The following DLGAP1 variants were observed in gnomAD, a reference collection of about 807,000 sequenced individuals.
DLGAP1 encodes DLG associated protein 1.
In DLGAP1, 11 loss-of-function variants were observed where a neutral mutation model predicts 90.8. The ratio of observed to expected loss-of-function variants is 0.12; its 90% CI spans 0.08 to 0.20. DLGAP1 has a LOEUF of 0.20. DLGAP1 is among the 10% of genes least tolerant of loss of function. DLGAP1 has a pLI of 1.00. For missense variants in DLGAP1, 1,050 were observed against 1,333.8 expected (o/e 0.79, Z 3.31); for synonymous variants, 558 against 540.7 (o/e 1.03, Z -0.44).
At chr18:3,511,541 C>A (rs529251826) in intron 10 of DLGAP1, among the ~76,000 whole-genome samples, 39 of 151,256 alleles carry the variant, frequency 2.6e-4, no homozygotes, top group African/African-American at 8.2e-4. Context: ...ATGTTCAATA[C>A]CAACCTTCAC....
At chr18:4,442,541 T>C (rs755238161) in intron 1 of DLGAP1, among the ~76,000 whole-genome samples, 8 of 152,198 alleles carry the variant, frequency 5.3e-5, no homozygotes, top group African/African-American at 1.2e-4. Context: ...TGGGGTTACA[T>C]AGATGTGTAG....
intron 2 of DLGAP1, among the ~76,000 whole-genome samples, chr18:4,081,841 C>G (rs2075612917): frequency 1.3e-5 from 2 of 152,182 alleles, no homozygotes; most frequent in African/African-American, 4.8e-5. Flanking sequence ...CAAGTCCAGT[C>G]ATTTTTCCCT....
intron 1 of DLGAP1, among the ~76,000 whole-genome samples, chr18:4,299,338 A>G (rs568184435): frequency 3.9e-5 from 6 of 152,340 alleles, no homozygotes; most frequent in Non-Finnish European, 7.3e-5. Flanking sequence ...ATCTATCTCT[A>G]AAAGAATTAA....
chr18:4,219,996 G>C (rs758955951), intron 1 of DLGAP1, among the ~76,000 whole-genome samples: 19 of 151,994 alleles, frequency 1.3e-4, no homozygotes, highest in Non-Finnish European at 2.5e-4. Context: ...TTTTAGGACT[G>C]TTTTTTCTGT....
intron 1 of DLGAP1, among the ~76,000 whole-genome samples, chr18:4,341,021 T>C (rs1194989940): frequency 4.6e-5 from 7 of 151,888 alleles, no homozygotes; most frequent in African/African-American, 1.7e-4. Flanking sequence ...TATGAAATAA[T>C]GCTAGTTTTG....
intron 2 of DLGAP1, among the ~76,000 whole-genome samples, chr18:4,150,297 A>G (rs1207968908): frequency 6.6e-6 from 1 of 152,224 alleles, no homozygotes; most frequent in Admixed American, 6.5e-5. Context: ...TATATGTGGT[A>G]AGACCCTTCT....
At chr18:3,542,899 C>G (rs1431936315) in intron 9 of DLGAP1, among the ~76,000 whole-genome samples, 1 of 152,188 alleles carries the variant, frequency 6.6e-6, no homozygotes, top group East Asian at 1.9e-4. Flanking sequence ...GAGATTATGA[C>G]AGCAATATAG....
chr18:3,956,416 C>T (rs559003275), intron 3 of DLGAP1, among the ~76,000 whole-genome samples: 1 of 151,954 alleles, frequency 6.6e-6, no homozygotes, highest in East Asian at 1.9e-4. Context: ...GTGGCGTGAT[C>T]TGGCTCACTG....
intron 1 of DLGAP1, among the ~76,000 whole-genome samples, chr18:4,351,050 C>T (rs1050693875): frequency 2.0e-5 from 3 of 152,138 alleles, no homozygotes; most frequent in African/African-American, 4.8e-5. Flanking sequence ...CTAAAGTAAT[C>T]TCCAGAAAGC....
intron 2 of DLGAP1, among the ~76,000 whole-genome samples, chr18:4,105,874 C>CA (rs1198509465): frequency 2.0e-5 from 3 of 150,868 alleles, no homozygotes; most frequent in East Asian, 2.0e-4. Flanking sequence ...ACTAAAAATA[C>CA]AAAAAAAATT....
intron 1 of DLGAP1, among the ~76,000 whole-genome samples, chr18:4,421,024 C>T (rs2083017562): frequency 6.6e-6 from 1 of 152,180 alleles, no homozygotes; most frequent in African/African-American, 2.4e-5. Flanking sequence ...TCTTCAAAAA[C>T]AGTGAAGTCT....
chr18:3,860,059 A>C (rs375115714), intron 4 of DLGAP1, among the ~76,000 whole-genome samples: 1 of 143,866 alleles, frequency 7.0e-6, no homozygotes, highest in Non-Finnish European at 1.5e-5. Flanking sequence ...AGATTGCGCC[A>C]CTGCACTCCA....
At chr18:3,855,335 G>A (rs901645517) in intron 4 of DLGAP1, among the ~76,000 whole-genome samples, 4 of 152,052 alleles carry the variant, frequency 2.6e-5, no homozygotes, top group Admixed American at 1.3e-4. Context: ...CGGGTGTTAC[G>A]CTTATTACCT....
chr18:3,777,707 G>T (rs1347034380), intron 5 of DLGAP1, among the ~76,000 whole-genome samples: 1 of 152,116 alleles, frequency 6.6e-6, no homozygotes, highest in African/African-American at 2.4e-5. Context: ...TCTGAAAGGG[G>T]TTCCAAATCA....
At chr18:4,374,787 G>A (rs1374016356) in intron 1 of DLGAP1, among the ~76,000 whole-genome samples, 1 of 151,976 alleles carries the variant, frequency 6.6e-6, no homozygotes, top group African/African-American at 2.4e-5. Flanking sequence ...TAGTTAAGAA[G>A]TGAGAAAATA....
intron 1 of DLGAP1, among the ~76,000 whole-genome samples, chr18:4,272,883 G>A (rs535553948): frequency 1.3e-5 from 2 of 152,300 alleles, no homozygotes; most frequent in Non-Finnish European, 2.9e-5. Flanking sequence ...ATCCTTACAA[G>A]AAGAGGAGAG....
At chr18:3,820,865 G>GA (rs2067370079) in intron 4 of DLGAP1, among the ~76,000 whole-genome samples, 1 of 151,736 alleles carries the variant, frequency 6.6e-6, no homozygotes, top group South Asian at 2.1e-4. Flanking sequence ...TGACATTCAT[G>GA]AAAAAATCTG....
intron 2 of DLGAP1, among the ~76,000 whole-genome samples, chr18:4,072,255 C>T (rs1322263415): frequency 6.6e-6 from 1 of 151,908 alleles, no homozygotes; most frequent in Non-Finnish European, 1.5e-5. Flanking sequence ...AAGACCTTCG[C>T]TGCATTTTTA....
At chr18:4,256,656 T>A (rs2078893613) in intron 1 of DLGAP1, among the ~76,000 whole-genome samples, 1 of 152,150 alleles carries the variant, frequency 6.6e-6, no homozygotes, top group Non-Finnish European at 1.5e-5. Context: ...GAGTTTTTTT[T>A]AATAATATAA....
Sources: gnomAD v4.1 joint callset for allele counts (sites outside exome capture counted in the v4.1 genomes callset) on GRCh38, gnomAD v4.1.1 for gene constraint, MANE v1.5 for transcripts, NCBI Gene and HGNC (gene_info 2026-07-23, HGNC 2026-07-21) for gene names.